SSTR3: variants seen among roughly 807,000 people sequenced by gnomAD.
SSTR3 encodes somatostatin receptor 3.
For missense variants in SSTR3, 504 were observed against 604.7 expected, an observed-to-expected ratio of 0.83 and a Z score of 1.75; for synonymous variants, 281 against 269.2, an observed-to-expected ratio of 1.04 and a Z score of -0.43.
At chr22:37,219,642 C>T in the SSTR3 span, among the ~76,000 whole-genome samples, 28,642 of 151,974 alleles carry the variant, frequency 0.19, 3,125 homozygotes, top group African/African-American at 0.29. Context: ...GAGCAGATAA[C>T]GAAGAGTCTA....
rs917708470 is a variant in SSTR3, at chr22:37,205,705, C to T, written c.*842G>A. 3.3e-5 allele frequency: 5 copies of T among 152,250 alleles called. No homozygotes were observed. The highest frequency in any genetic ancestry group is 7.3e-5 in the Non-Finnish European group (5 of 68,062). 9.4% of individuals were successfully genotyped at this position (152,250 alleles called of 1,614,324 possible). ...AGCCATAAGACCCAACATGAGCTTC[C>T]TTGGGGATTGGGTGGCTGACCTCAG... On this transcript the variant is annotated 3_prime_UTR_variant, in exon 2 of 2. Transcript: ENST00000610913.
chr22:37,204,427 C>A lies in SSTR3; in HGVS notation c.*2120G>T. ...GGACCCTCAGATCTTCCTCAAGAAA[C>A]CCCAGACCAAGTCCCAGGGCCGGGC... is the stretch of plus-strand genomic sequence containing the variant. On this transcript the variant is annotated 3_prime_UTR_variant, in exon 2 of 2. Coordinates refer to ENST00000610913, the MANE Select transcript of SSTR3 (RefSeq NM_001051.5). 6.6e-6 allele frequency: 1 copy of A among 152,504 alleles called. No individual in the cohort carries two copies. Among genetic ancestry groups the A allele is most frequent in the Non-Finnish European group, 1.5e-5 (1 of 68,156 alleles). The allele number at this position is 152,504 out of a possible 1,614,324, so 9.4% of individuals were successfully genotyped here. A position where few individuals can be genotyped will look rare whatever the true frequency, so the allele number is the denominator to read the frequency against.
chr22:37,211,650 T>C (rs981737914), intron 1 of SSTR3, among the ~76,000 whole-genome samples, 175 bp downstream of exon 1: 1 of 152,194 alleles, frequency 6.6e-6, no homozygotes, highest in East Asian at 1.9e-4. Context: ...ATTCTGAGAC[T>C]AACGCCCCTG....
chr22:37,216,062 CTT>C (rs1926429853), upstream of SSTR3, among the ~76,000 whole-genome samples: 1 of 152,164 alleles, frequency 6.6e-6, no homozygotes, highest in Non-Finnish European at 1.5e-5. Flanking sequence ...CTCTCTGTCT[CTT>C]TTTCTTTCAA....
rs138495835 is a variant in SSTR3, at chr22:37,207,310, G to C, written c.494C>G (p.Ala165Gly). ...RTAPVARTVS[A>G]AVWVASAVVV... ...CACGGCTGAGGCCACCCACACAGCC[G>C]CGCTGACCGTGCGGGCCACCGGAGC... The change falls in exon 2 of 2, where the codon GCG becomes GGG. Residue 165 changes from alanine to glycine, a missense_variant. By Grantham distance (60) the Ala-to-Gly change is moderately conservative. Transcript: ENST00000610913. 1.3e-6 allele frequency: 2 copies of C among 1,594,522 alleles called. No individual in the cohort carries two copies. Among genetic ancestry groups the C allele is most frequent in the Non-Finnish European group, 1.7e-6 (2 of 1,169,918 alleles).
Position 37,207,253 on chromosome 22 carries a change from A to G in SSTR3, c.551T>C (p.Val184Ala). The G allele has an allele frequency of 6.2e-7, 1 of 1,602,772 alleles. No individual in the cohort carries two copies. The stretch of plus-strand genomic sequence containing the variant: ...GTGGCAGGTGCTCATGCCGCGGGGC[A>G]CTCCCGAGAAGACCACCACGGGCAG... ...VVLPVVVFSG[V>A]PRGMSTCHMQ... The change falls in exon 2 of 2, where the codon GTG becomes GCG. Residue 184 changes from valine (V) to alanine (A), a missense_variant. Transcript: ENST00000610913.
In SSTR3 at chr22:37,212,219, G is replaced by T; in HGVS notation, c.-431C>A. The T allele has an allele frequency of 1.1e-6, 1 of 898,788 alleles. No homozygotes were observed. Among genetic ancestry groups the T allele is most frequent in the Non-Finnish European group, 1.3e-6 (1 of 751,294 alleles). 55.7% of individuals were successfully genotyped at this position (898,788 alleles called of 1,614,324 possible). A position where few individuals can be genotyped will look rare whatever the true frequency, so the allele number is the denominator to read the frequency against. On this transcript the variant is annotated 5_prime_UTR_variant, in exon 1 of 2. Coordinates refer to ENST00000610913, the MANE Select transcript of SSTR3 (RefSeq NM_001051.5). ...GGGAGGAGGTGGAGAAAGAGAGAGA[G>T]AGAGAAAGAGGGAGGGGGAGAGAGA...
chr22:37,217,720 C>CAG, the SSTR3 span, among the ~76,000 whole-genome samples: 49,648 of 151,678 alleles, frequency 0.33, 8,864 homozygotes, highest in Non-Finnish European at 0.42. Flanking sequence ...TTGAGACAGA[C>CAG]AGTCTCGCTC....
upstream of SSTR3, among the ~76,000 whole-genome samples, chr22:37,212,806 C>G (rs1028846778): frequency 6.6e-6 from 1 of 152,036 alleles, no homozygotes; most frequent in Non-Finnish European, 1.5e-5. Flanking sequence ...GCCCTGCAGT[C>G]GGGCACACCG....
rs229569 is a variant in SSTR3, at chr22:37,207,012, C to A, written c.792G>T (p.Ala264=). Residue 264 remains alanine, a synonymous_variant, in exon 2 of 2, where the codon GCG becomes GCT. Transcript: ENST00000610913. ...RVTRMVVAVV[A]LFVLCWMPFY... ...AGGGCATCCAGCAGAGCACGAAGAGCGCCACCACGGCCACCACCATGCGCG... is the reference window on the plus strand; with the variant it reads ...AGGGCATCCAGCAGAGCACGAAGAGAGCCACCACGGCCACCACCATGCGCG... 1.2e-6 allele frequency: 2 copies of A among 1,612,816 alleles called. No homozygotes were observed. Among genetic ancestry groups the A allele is most frequent in the Non-Finnish European group, 1.7e-6 (2 of 1,179,976 alleles).
chr22:37,206,915 G>C lies in SSTR3; in HGVS notation c.889C>G (p.Leu297Val), dbSNP rs937792622. ...TTGGCATAGGGCAGCGCCACCACCA[G>C]GAAGTAGAGCCCAAAGAAGGCAGGC... ...EEPAFFGLYFLVVALPYANSC... is the reference protein window; with the variant it reads ...EEPAFFGLYFVVVALPYANSC... The change falls in exon 2 of 2, where the codon CTG becomes GTG. Residue 297 changes from leucine to valine, a missense_variant. Coordinates refer to ENST00000610913, the MANE Select transcript of SSTR3 (RefSeq NM_001051.5). 1.2e-5 allele frequency: 20 copies of C among 1,613,438 alleles called. No individual in the cohort carries two copies. The Admixed American group carries it at 1.5e-4, about 12-fold the overall frequency.
chr22:37,207,192 G>A lies in SSTR3; in HGVS notation c.612C>T (p.Ala204=), dbSNP rs373059813. ...QWPEPAAAWR[A]GFIIYTAALG... ...GTGCGGCCGTGTAGATGATGAAGCC[G>A]GCTCGCCAGGCCGCCGCCGGCTCGG... Residue 204 remains alanine (A), a synonymous_variant, in exon 2 of 2, where the codon GCC becomes GCT. Transcript: ENST00000610913. The A allele has an allele frequency of 4.0e-5, 65 of 1,611,140 alleles. No individual in the cohort carries two copies. Among genetic ancestry groups the A allele is most frequent in the Admixed American group, 1.8e-4 (11 of 59,906 alleles).
Position 37,206,867 on chromosome 22 carries a change from A to T in SSTR3, c.937T>A (p.Tyr313Asn). 1 of 1,613,478 alleles carries T rather than the reference A, an allele frequency of 6.2e-7. No homozygotes were observed. Among genetic ancestry groups the T allele is most frequent in the Non-Finnish European group, 8.5e-7 (1 of 1,179,998 alleles). Reference protein sequence around the residue: ...YANSCANPILYGFLSYRFKQG... With the variant: ...YANSCANPILNGFLSYRFKQG... ...TTGAAGCGGTAGGAGAGGAAGCCAT[A>T]AAGGATGGGGTTGGCACAGCTGTTG... Residue 313 changes from tyrosine to asparagine, a missense_variant, in exon 2 of 2, where the codon TAT becomes AAT. Tyr to Asn is a moderately radical substitution (Grantham distance 143). Coordinates refer to ENST00000610913, the MANE Select transcript of SSTR3 (RefSeq NM_001051.5).
upstream of SSTR3, among the ~76,000 whole-genome samples, chr22:37,213,777 AG>A (rs1475505740): frequency 6.6e-6 from 1 of 152,034 alleles, no homozygotes; most frequent in African/African-American, 2.4e-5. Context: ...CTCAGAATAA[AG>A]CTCTCTCGCC....
intron 1 of SSTR3, among the ~76,000 whole-genome samples, chr22:37,209,299 G>A (rs1405264290): frequency 1.3e-5 from 2 of 152,198 alleles, no homozygotes; most frequent in Non-Finnish European, 2.9e-5. Flanking sequence ...ACCTGGGGCT[G>A]CAGCGGGCTC....
chr22:37,220,103 CT>C, the SSTR3 span, among the ~76,000 whole-genome samples: 12 of 152,074 alleles, frequency 7.9e-5, no homozygotes, highest in Non-Finnish European at 1.3e-4. Context: ...ATAAATACAC[CT>C]ATTTAATAAA....
Position 37,206,630 on chromosome 22 carries a change from C to G in SSTR3, c.1174G>C (p.Val392Leu). 6.2e-7 allele frequency: 1 copy of G among 1,611,774 alleles called. No individual in the cohort carries two copies. The highest frequency in any genetic ancestry group is 8.5e-7 in the Non-Finnish European group (1 of 1,180,010). ...TSGQERPPSR[V>L]ASKEQQLLPQ... ...AGGAGCTGCTGCTCCTTGCTGGCCA[C>G]TCTGCTGGGCGGCCGCTCCTGCCCG... is the stretch of plus-strand genomic sequence containing the variant. The change falls in exon 2 of 2, where the codon GTG becomes CTG. Residue 392 changes from valine (V) to leucine (L), a missense_variant. Val to Leu is a conservative substitution (Grantham distance 32). Coordinates refer to ENST00000610913, the MANE Select transcript of SSTR3 (RefSeq NM_001051.5).
the SSTR3 span, among the ~76,000 whole-genome samples, chr22:37,219,678 A>G: frequency 6.6e-6 from 1 of 152,202 alleles, no homozygotes; most frequent in Non-Finnish European, 1.5e-5. Flanking sequence ...AGGTTTCAGT[A>G]TCAGTACCTG....
rs944581976 is a variant in SSTR3 at position 37,207,279 on chromosome 22, C to T, written c.525G>A (p.Val175=). ...CTCCCGAGAAGACCACCACGGGCAGCACCACCACGGCTGAGGCCACCCACA... is the reference window on the plus strand; with the variant it reads ...CTCCCGAGAAGACCACCACGGGCAGTACCACCACGGCTGAGGCCACCCACA... The part of the protein sequence containing the change: ...AAVWVASAVV[V]LPVVVFSGVP... Residue 175 remains valine, a synonymous_variant, in exon 2 of 2, where the codon GTG becomes GTA. Transcript: ENST00000610913. 6.3e-7 allele frequency: 1 copy of T among 1,594,730 alleles called. No individual in the cohort carries two copies. The highest frequency in any genetic ancestry group is 8.6e-7 in the Non-Finnish European group (1 of 1,169,492).
Sources: allele counts gnomAD v4.1 joint callset (sites outside exome capture counted in the v4.1 genomes callset), GRCh38; gene constraint gnomAD v4.1.1; transcripts MANE v1.5; gene names NCBI Gene and HGNC (gene_info 2026-07-23, HGNC 2026-07-21).